FAM163A: variants seen among roughly 807,000 people sequenced by gnomAD.
The protein encoded by FAM163A is family with sequence similarity 163 member A.
Under a neutral mutation model 12.0 loss-of-function variants are expected in FAM163A, and 7 were observed. The ratio of observed to expected loss-of-function variants is 0.58; its 90% CI spans 0.33 to 1.10. FAM163A has a LOEUF of 1.10. FAM163A is among the 50% of genes least tolerant of loss of function. The pLI, the probability that FAM163A is intolerant of heterozygous loss-of-function variation, is 0.03. For synonymous variants in FAM163A, 101 were observed against 91.0 expected, an observed-to-expected ratio of 1.11 and a Z score of -0.62; for missense variants, 202 against 218.6, an observed-to-expected ratio of 0.92 and a Z score of 0.48.
At chr1:179,738,721 T>C (rs1650398734), upstream of FAM163A, among the ~76,000 whole-genome samples, 1 of 152,238 alleles carries the variant, frequency 6.6e-6, no homozygotes, top group Non-Finnish European at 1.5e-5. Context: ...TACCTATAGC[T>C]AATCTATAAT....
At chr1:179,802,701 G>A (rs1016348422) in intron 1 of FAM163A, among the ~76,000 whole-genome samples, 11 of 152,158 alleles carry the variant, frequency 7.2e-5, no homozygotes, top group African/African-American at 2.4e-4. Context: ...CAGTGCTCCT[G>A]TATACCCACA....
chr1:179,755,437 A>G (rs1226582413), intron 1 of FAM163A, among the ~76,000 whole-genome samples: 1 of 152,218 alleles, frequency 6.6e-6, no homozygotes, highest in Non-Finnish European at 1.5e-5. Context: ...CTAGGATGTC[A>G]CAGAGGCCAT....
intron 1 of FAM163A, among the ~76,000 whole-genome samples, chr1:179,750,413 C>G (rs1685107897): frequency 6.6e-6 from 1 of 152,136 alleles, no homozygotes. Context: ...CAGGAAGGAG[C>G]TGGAAGTCAT....
the FAM163A span, among the ~76,000 whole-genome samples, chr1:179,736,664 T>C: frequency 6.6e-6 from 1 of 151,698 alleles, no homozygotes; most frequent in Admixed American, 6.6e-5. Context: ...AAAAAAAAAA[T>C]TAGCCAGGCG....
At chr1:179,768,788 T>C (rs534556341) in intron 1 of FAM163A, among the ~76,000 whole-genome samples, 1 of 152,204 alleles carries the variant, frequency 6.6e-6, no homozygotes, top group South Asian at 2.1e-4. Context: ...GTATTTTTAG[T>C]AGAGACGGGG....
At chr1:179,748,243 C>G (rs1472989282) in intron 1 of FAM163A, among the ~76,000 whole-genome samples, 1 of 152,168 alleles carries the variant, frequency 6.6e-6, no homozygotes, top group East Asian at 1.9e-4. Context: ...AAGGAAACAG[C>G]TCTAATTTTC....
intron 1 of FAM163A, among the ~76,000 whole-genome samples, chr1:179,780,202 A>T (rs538147117): frequency 6.6e-6 from 1 of 152,378 alleles, no homozygotes; most frequent in Admixed American, 6.5e-5. Context: ...ATGGGTAAAG[A>T]TCTCAAAGAT....
At chr1:179,781,669 C>T (rs1259586052) in intron 1 of FAM163A, among the ~76,000 whole-genome samples, 2 of 152,130 alleles carry the variant, frequency 1.3e-5, no homozygotes, top group African/African-American at 2.4e-5. Flanking sequence ...GGCGCGGTGG[C>T]TCATGCCTGT....
chr1:179,794,769 G>A (rs920437730), intron 1 of FAM163A, among the ~76,000 whole-genome samples: 6 of 152,124 alleles, frequency 3.9e-5, no homozygotes, highest in African/African-American at 1.2e-4. Flanking sequence ...CTGGCAAGGC[G>A]CTCAGACAGA....
chr1:179,732,232 T>C, the FAM163A span, among the ~76,000 whole-genome samples: 2 of 152,246 alleles, frequency 1.3e-5, no homozygotes, highest in South Asian at 2.1e-4. Context: ...TTTACTACAT[T>C]ACCCCATAGC....
chr1:179,804,041 A>C (rs375148236), intron 1 of FAM163A: 1 of 148,082 alleles, frequency 6.8e-6, no homozygotes, highest in South Asian at 2.2e-4. Flanking sequence ...TTGTCTTGTC[A>C]TGGGCACCAG....
At chr1:179,797,720 A>AT (rs1692539869) in intron 1 of FAM163A, among the ~76,000 whole-genome samples, 1 of 152,120 alleles carries the variant, frequency 6.6e-6, no homozygotes, top group Admixed American at 6.5e-5. Flanking sequence ...TTATCTGTGA[A>AT]TTAAAAAAAT....
intron 1 of FAM163A, among the ~76,000 whole-genome samples, chr1:179,805,092 T>C (rs886533955): frequency 1.2e-4 from 18 of 152,220 alleles, no homozygotes; most frequent in African/African-American, 4.3e-4. Context: ...TACTTTAAAA[T>C]GTATTCAGTG....
At chr1:179,778,752 C>A (rs534456071) in intron 1 of FAM163A, among the ~76,000 whole-genome samples, 1 of 151,666 alleles carries the variant, frequency 6.6e-6, no homozygotes, top group Admixed American at 6.6e-5. Context: ...GTGCAGTTGA[C>A]GTATATGTAT....
chr1:179,728,229 C>T, the FAM163A span, among the ~76,000 whole-genome samples: 1 of 152,142 alleles, frequency 6.6e-6, no homozygotes, highest in Non-Finnish European at 1.5e-5. Context: ...TGTTTTCAAA[C>T]TGTGATTATC....
intron 1 of FAM163A, among the ~76,000 whole-genome samples, chr1:179,769,664 T>A (rs1265389734): frequency 6.6e-6 from 1 of 152,102 alleles, no homozygotes; most frequent in Non-Finnish European, 1.5e-5. Flanking sequence ...CCAGCAGATG[T>A]ATGTAGCCCC....
chr1:179,738,320 C>T (rs1683228847), upstream of FAM163A, among the ~76,000 whole-genome samples: 1 of 152,138 alleles, frequency 6.6e-6, no homozygotes, highest in Admixed American at 6.5e-5. Context: ...TTGATCATTG[C>T]ACATTATATA....
At chr1:179,739,554 C>G (rs1683393484), upstream of FAM163A, among the ~76,000 whole-genome samples, 1 of 151,972 alleles carries the variant, frequency 6.6e-6, no homozygotes, top group Non-Finnish European at 1.5e-5. Flanking sequence ...TTTAGCTCAT[C>G]AGCTGTTGTT....
At chr1:179,787,630 C>T (rs1690837599) in intron 1 of FAM163A, among the ~76,000 whole-genome samples, 1 of 152,158 alleles carries the variant, frequency 6.6e-6, no homozygotes, top group Non-Finnish European at 1.5e-5. Context: ...TCTAGACACA[C>T]CGCTCTACAG....
Sources: allele counts gnomAD v4.1 joint callset (sites outside exome capture counted in the v4.1 genomes callset), GRCh38; gene constraint gnomAD v4.1.1; transcripts MANE v1.5; gene names NCBI Gene and HGNC (gene_info 2026-07-23, HGNC 2026-07-21).